The following RORA variants were observed in gnomAD, a reference collection of about 807,000 sequenced individuals.
RORA encodes the protein nuclear receptor ROR-alpha.
In RORA, 7 loss-of-function variants were observed where a neutral mutation model predicts 69.5. That is an observed-to-expected ratio of 0.10 (90% CI 0.06 to 0.19). The LOEUF (loss-of-function observed/expected upper bound fraction) is 0.19, where lower values mean the gene tolerates loss of function less well. RORA is among the 10% of genes least tolerant of loss of function. RORA has a pLI of 1.00. For synonymous variants in RORA, 261 were observed against 240.8 expected (o/e 1.08, Z -0.78); for missense variants, 457 against 663.0 (o/e 0.69, Z 3.41).
chr15:61,037,302 G>C (rs1896504270), intron 1 of RORA, among the ~76,000 whole-genome samples: 1 of 152,106 alleles, frequency 6.6e-6, no homozygotes, highest in Admixed American at 6.5e-5. Flanking sequence ...GCCAAATTTG[G>C]GTAGAGGAAG....
At chr15:60,600,910 T>C (rs369874369) in intron 2 of RORA, 69 of 152,366 alleles carry the variant, frequency 4.5e-4, no homozygotes, top group African/African-American at 1.4e-3. Context: ...TTTATGCTCT[T>C]TTTAAAAATC....
chr15:60,771,359 A>T (rs766714354), intron 1 of RORA, among the ~76,000 whole-genome samples: 3 of 152,156 alleles, frequency 2.0e-5, no homozygotes, highest in Non-Finnish European at 4.4e-5. Context: ...TGTGTGGCCC[A>T]TTCATTGGTA....
Position 60,814,487 on chromosome 15 carries a change from G to C in RORA, c.167-135801C>G, listed in dbSNP as rs73428343. Among the ~76,000 whole-genome samples, 1,304 of 152,216 alleles carry C rather than the reference G, an allele frequency of 8.6e-3. 14 individuals are homozygous for C. Among genetic ancestry groups the C allele is most frequent in the African/African-American group, 0.029 (1,207 of 41,512 alleles). On this transcript the variant is annotated intron_variant, in intron 1 of 10. Coordinates refer to ENST00000335670, the MANE Select transcript of RORA (RefSeq NM_134261.3). ...TCCTAATATGAGTTAAATATTCATG[G>C]AATAAAATAATAAATGAAGAGAGAG...
At position 60,688,424 on chromosome 15, in the gene RORA, TA is replaced by T. The variant is rs1312977318; in HGVS notation, c.167-9739del. Among the ~76,000 whole-genome samples the T allele has an allele frequency of 2.6e-5, 4 of 152,316 alleles. No homozygotes were observed. The South Asian group carries it at 8.3e-4, about 32-fold the overall frequency. On this transcript the variant is annotated intron_variant, in intron 1 of 10. Coordinates refer to ENST00000335670, the MANE Select transcript of RORA (RefSeq NM_134261.3). ...AATTATAATAATAAGAAAGAAAAGT[TA>T]ATATTAAATAACTATTCCACAAGGT...
chr15:61,215,031 A>AGTTTTTTTTTTTT (rs1491564825), intron 1 of RORA, among the ~76,000 whole-genome samples: 1 of 80,626 alleles, frequency 1.2e-5, no homozygotes. Flanking sequence ...CGCCCAGCTA[A>AGTTTTTTTTTTTT]TTTTTTTTTT....
intron 1 of RORA, among the ~76,000 whole-genome samples, chr15:61,078,812 T>C (rs2078493555): frequency 6.6e-6 from 1 of 152,018 alleles, no homozygotes; most frequent in Non-Finnish European, 1.5e-5. Flanking sequence ...CCCACCTACC[T>C]ACCTACCTGC....
At chr15:61,022,736 C>T (rs1895596779) in intron 1 of RORA, among the ~76,000 whole-genome samples, 1 of 152,014 alleles carries the variant, frequency 6.6e-6, no homozygotes, top group Admixed American at 6.6e-5. Flanking sequence ...TGAGAGTTAA[C>T]TGGTTAATTC....
At chr15:60,908,139 T>A (rs2140475517) in intron 1 of RORA, among the ~76,000 whole-genome samples, 1 of 152,240 alleles carries the variant, frequency 6.6e-6, no homozygotes, top group South Asian at 2.1e-4. Context: ...GCAGTTTAGT[T>A]TATAGTTGAT....
chr15:61,182,431 T>G (rs950541562), intron 1 of RORA, among the ~76,000 whole-genome samples: 2 of 152,204 alleles, frequency 1.3e-5, no homozygotes, highest in Non-Finnish European at 2.9e-5. Context: ...ATTTCCTCTC[T>G]ACATAAATAA....
chr15:60,887,708 G>A (rs990386612), intron 1 of RORA, among the ~76,000 whole-genome samples: 1 of 152,324 alleles, frequency 6.6e-6, no homozygotes, highest in East Asian at 1.9e-4. Flanking sequence ...GCACAGGACA[G>A]TACTAGCATG....
chr15:60,691,653 AGT>A (rs1175778741), intron 1 of RORA, among the ~76,000 whole-genome samples: 1 of 152,204 alleles, frequency 6.6e-6, no homozygotes, highest in Non-Finnish European at 1.5e-5. Flanking sequence ...ACATACAAAG[AGT>A]GAGAGGGGAG....
intron 1 of RORA, among the ~76,000 whole-genome samples, chr15:60,851,459 G>T (rs2073323765): frequency 6.6e-6 from 1 of 152,150 alleles, no homozygotes; most frequent in African/African-American, 2.4e-5. Context: ...TGGAGAGTGG[G>T]GAGGACATGT....
At chr15:61,073,270 G>T (rs1418505328) in intron 1 of RORA, among the ~76,000 whole-genome samples, 1 of 152,146 alleles carries the variant, frequency 6.6e-6, no homozygotes, top group Non-Finnish European at 1.5e-5. Flanking sequence ...CAGGGCGCAG[G>T]TATACCATTT....
intron 3 of RORA, among the ~76,000 whole-genome samples, chr15:60,516,669 T>C (rs1196374459): frequency 6.6e-6 from 1 of 152,108 alleles, no homozygotes; most frequent in Non-Finnish European, 1.5e-5. Flanking sequence ...ATTTGGCAGT[T>C]GTATCAAAAA....
intron 2 of RORA, among the ~76,000 whole-genome samples, chr15:60,577,000 C>A (rs1403498627): frequency 1.3e-5 from 2 of 152,108 alleles, no homozygotes; most frequent in African/African-American, 4.8e-5. Context: ...AACTGTAAAG[C>A]CTCTGTAAAC....
chr15:60,978,762 C>T (rs1281625465), intron 1 of RORA, among the ~76,000 whole-genome samples: 3 of 152,054 alleles, frequency 2.0e-5, no homozygotes, highest in Non-Finnish European at 4.4e-5. Context: ...GTCCTGGCAA[C>T]ATTTATTGAG....
rs947755536 is a variant in RORA, at chr15:61,177,278, C to T, written c.166+51775G>A. On this transcript the variant is annotated intron_variant, in intron 1 of 10. Transcript: ENST00000335670. ...TTCAAGGAAAATGCAATTAGAAAAA[C>T]AGGTGAGTGGGGACTTGGGTTTCCA... Among the ~76,000 whole-genome samples the T allele has an allele frequency of 1.2e-4, 19 of 152,154 alleles. 1 individual carries two copies. The highest frequency in any genetic ancestry group is 9.2e-4 in the Admixed American group (14 of 15,278).
chr15:60,948,727 T>C (rs1214015364), intron 1 of RORA, among the ~76,000 whole-genome samples: 1 of 152,218 alleles, frequency 6.6e-6, no homozygotes, highest in Non-Finnish European at 1.5e-5. Flanking sequence ...GATCTTCCAA[T>C]TCTAGCCCTA....
At chr15:61,115,077 G>A (rs1452766497) in intron 1 of RORA, among the ~76,000 whole-genome samples, 1 of 152,182 alleles carries the variant, frequency 6.6e-6, no homozygotes. Flanking sequence ...GCAGGAGTCT[G>A]TGGCTTCCTC....
Sources: gnomAD v4.1 joint callset for allele counts (sites outside exome capture counted in the v4.1 genomes callset) on GRCh38, gnomAD v4.1.1 for gene constraint, MANE v1.5 for transcripts, NCBI Gene and HGNC (gene_info 2026-07-23, HGNC 2026-07-21) for gene names.